Variants in SUSD4 observed in about 807,000 individuals in gnomAD.
The protein encoded by SUSD4 is sushi domain containing 4.
Under a neutral mutation model 50.5 loss-of-function variants are expected in SUSD4, and 41 were observed. The observed-to-expected ratio is 0.81, with a 90% CI of 0.63 to 1.05. The LOEUF is 1.05. Among genes scored for constraint, SUSD4 ranks in the 50% least tolerant of loss-of-function variants. SUSD4 has a pLI of 0.00. For synonymous variants in SUSD4, 257 were observed against 257.3 expected (o/e 1.00, Z 0.01); for missense variants, 580 against 634.7 (o/e 0.91, Z 0.93).
At chr1:223,244,408 G>A (rs775927637) in intron 5 of SUSD4, among the ~76,000 whole-genome samples, 2 of 152,182 alleles carry the variant, frequency 1.3e-5, no homozygotes, top group Admixed American at 1.3e-4. Context: ...AAAAGGGCCC[G>A]GGTCTAGGAA....
intron 2 of SUSD4, among the ~76,000 whole-genome samples, chr1:223,337,784 G>A (rs1333259756): frequency 1.3e-5 from 2 of 152,210 alleles, no homozygotes; most frequent in Non-Finnish European, 2.9e-5. Context: ...AAGGGCTGCT[G>A]TTTTTAGTAT....
At chr1:223,340,855 T>C (rs1021285327) in intron 2 of SUSD4, among the ~76,000 whole-genome samples, 8 of 152,196 alleles carry the variant, frequency 5.3e-5, no homozygotes, top group African/African-American at 1.4e-4. Context: ...TTCAGAAATA[T>C]AGTAAGCACT....
intron 2 of SUSD4, among the ~76,000 whole-genome samples, chr1:223,345,677 G>C (rs1667992357): frequency 6.6e-6 from 1 of 152,082 alleles, no homozygotes; most frequent in African/African-American, 2.4e-5. Flanking sequence ...ATGCCTGCTG[G>C]GCAATTCCAC....
chr1:223,298,554 G>A (rs1432804025), intron 2 of SUSD4, among the ~76,000 whole-genome samples: 1 of 152,140 alleles, frequency 6.6e-6, no homozygotes, highest in African/African-American at 2.4e-5. Flanking sequence ...TTTTTGGCCA[G>A]TCACCCTCTG....
At chr1:223,242,218 C>T (rs1338198434) in intron 5 of SUSD4, among the ~76,000 whole-genome samples, 2 of 152,198 alleles carry the variant, frequency 1.3e-5, no homozygotes, top group Admixed American at 6.5e-5. Context: ...GCTGGGATTA[C>T]AGGCATGAAC....
intron 2 of SUSD4, among the ~76,000 whole-genome samples, chr1:223,310,946 G>A (rs1572033175): frequency 6.6e-6 from 1 of 152,266 alleles, no homozygotes; most frequent in Non-Finnish European, 1.5e-5. Context: ...TGTCCCTTTA[G>A]TGCCCCCTCT....
intron 3 of SUSD4, among the ~76,000 whole-genome samples, chr1:223,281,341 C>T (rs1430228832): frequency 6.6e-6 from 1 of 151,744 alleles, no homozygotes; most frequent in Non-Finnish European, 1.5e-5. Flanking sequence ...AGACTGCTAG[C>T]AAGACTAATA....
Position 223,229,528 on chromosome 1 carries a change from A to G in SUSD4, c.725-140T>C. On this transcript the variant is annotated intron_variant, in intron 5 of 8. Transcript: ENST00000366878. The surrounding 1 kb of genome is among the most constrained non-coding windows in gnomAD (Gnocchi z 4.7). ...TCACCAGGCTACTGAGTTGCATTAGAGATGGTCTCTTTTTTAGTATTTCAT... is the reference window on the plus strand; with the variant it reads ...TCACCAGGCTACTGAGTTGCATTAGGGATGGTCTCTTTTTTAGTATTTCAT... 1 of 764,860 alleles carries G rather than the reference A, an allele frequency of 1.3e-6. No individual in the cohort carries two copies. The highest frequency in any genetic ancestry group is 2.0e-6 in the Non-Finnish European group (1 of 504,834). The allele number at this position is 764,860 out of a possible 1,614,324, so 47.4% of individuals were successfully genotyped here. A position where few individuals can be genotyped will look rare whatever the true frequency, so the allele number is the denominator to read the frequency against.
chr1:223,251,634 TC>T (rs1475440394), intron 5 of SUSD4, among the ~76,000 whole-genome samples: 2 of 152,230 alleles, frequency 1.3e-5, no homozygotes, highest in African/African-American at 2.4e-5. Flanking sequence ...TGCCACATTT[TC>T]TTAATCCAGT....
intron 2 of SUSD4, 95 bp from the exon 3 acceptor site, chr1:223,292,746 A>G (rs1664580337): frequency 7.8e-7 from 1 of 1,289,546 alleles, no homozygotes; most frequent in Non-Finnish European, 1.1e-6. Flanking sequence ...ATGATGTCAT[A>G]CGCCTTGGAC....
intron 5 of SUSD4, among the ~76,000 whole-genome samples, chr1:223,236,971 C>T (rs1163339589): frequency 6.6e-6 from 1 of 152,088 alleles, no homozygotes; most frequent in African/African-American, 2.4e-5. Flanking sequence ...ATTGAGTCTT[C>T]CTATCCATGA....
chr1:223,291,322 A>C (rs35812354), intron 3 of SUSD4, among the ~76,000 whole-genome samples: 13,653 of 151,818 alleles, frequency 0.09, 817 homozygotes, highest in Non-Finnish European at 0.13. Context: ...GTGAAACCTC[A>C]TCTCTACAAA....
rs1571812931 is a variant in SUSD4 at position 223,222,210 on chromosome 1, T to C, written c.1455A>G (p.Leu485=). 1 of 1,613,738 alleles carries C rather than the reference T, an allele frequency of 6.2e-7. No homozygotes were observed. Among genetic ancestry groups the C allele is most frequent in the Non-Finnish European group, 8.5e-7 (1 of 1,179,836 alleles). Residue 485 remains leucine, a synonymous_variant, in exon 9 of 9, where the codon CTA becomes CTG. Coordinates refer to ENST00000366878, the MANE Select transcript of SUSD4 (RefSeq NM_017982.4). ...ACCCATATTAGGGATCTTCTTCCAT[T>C]AGAGGAATCTCTGTAAAAGAAGAGA... The part of the protein sequence containing the change: ...PGIDIADEIP[L]MEEDP
At chr1:223,336,539 C>A (rs956429552) in intron 2 of SUSD4, among the ~76,000 whole-genome samples, 1 of 152,174 alleles carries the variant, frequency 6.6e-6, no homozygotes, top group Non-Finnish European at 1.5e-5. Flanking sequence ...TGCTCTTTCT[C>A]TTCTGAAATC....
At chr1:223,230,274 G>A (rs1659806455) in intron 5 of SUSD4, among the ~76,000 whole-genome samples, 1 of 151,732 alleles carries the variant, frequency 6.6e-6, no homozygotes, top group Admixed American at 6.6e-5. Context: ...CTTGGATGAG[G>A]ACTCAGAAAT....
chr1:223,295,041 T>C (rs1664734660), intron 2 of SUSD4, among the ~76,000 whole-genome samples: 1 of 152,188 alleles, frequency 6.6e-6, no homozygotes, highest in South Asian at 2.1e-4. Flanking sequence ...TCATGAATAT[T>C]GAAACATATA....
intron 2 of SUSD4, among the ~76,000 whole-genome samples, chr1:223,344,305 G>A (rs1345806966): frequency 6.6e-6 from 1 of 152,160 alleles, no homozygotes. Context: ...AGGCAACATT[G>A]TCGGGTGCTA....
intron 2 of SUSD4, among the ~76,000 whole-genome samples, chr1:223,349,200 GT>G (rs1668213823): frequency 6.6e-6 from 1 of 152,116 alleles, no homozygotes; most frequent in South Asian, 2.1e-4. Context: ...CAAAGAAAAT[GT>G]TTTGAGTAGG....
At chr1:223,228,569 G>A (rs978232184) in intron 6 of SUSD4, among the ~76,000 whole-genome samples, 1 of 152,226 alleles carries the variant, frequency 6.6e-6, no homozygotes, top group Admixed American at 6.5e-5. Flanking sequence ...CAGGTGCACT[G>A]AGGCCAGTGG....
Sources: allele counts gnomAD v4.1 joint callset (sites outside exome capture counted in the v4.1 genomes callset), GRCh38; gene constraint gnomAD v4.1.1; non-coding constraint Gnocchi (gnomAD v3.1); transcripts MANE v1.5; gene names NCBI Gene and HGNC (gene_info 2026-07-23, HGNC 2026-07-21).